The following C3orf85 variants were observed in gnomAD, a reference collection of about 807,000 sequenced individuals.
C3orf85 encodes uncharacterized protein C3orf85.
A neutral mutation model predicts 1.7 loss-of-function variants in C3orf85; 1 was observed. That is an observed-to-expected ratio of 0.60 (90% CI 0.21 to 2.86). The LOEUF (loss-of-function observed/expected upper bound fraction) is 2.86, where lower values mean the gene tolerates loss of function less well. C3orf85 is among the 30% of genes most tolerant of loss of function. C3orf85 has a pLI of 0.22. For missense variants in C3orf85, 29 were observed against 21.3 expected (o/e 1.36, Z -0.72); for synonymous variants, 17 against 8.0 (o/e 2.13, Z -1.90).
At chr3:109,141,581 T>C (rs1232255309) in intron 2 of C3orf85, among the ~76,000 whole-genome samples, 1 of 152,142 alleles carries the variant, frequency 6.6e-6, no homozygotes, top group Non-Finnish European at 1.5e-5. Flanking sequence ...TCTGTCTCTC[T>C]CTCTCCTTTT....
chr3:109,150,110 G>C lies in C3orf85; in HGVS notation c.*216G>C. 4.1e-4 allele frequency: 96 copies of C among 234,410 alleles called. No individual in the cohort carries two copies. Among genetic ancestry groups the C allele is most frequent in the Middle Eastern group, 1.2e-3 (1 of 846 alleles). 14.5% of individuals were successfully genotyped at this position (234,410 alleles called of 1,614,324 possible). On this transcript the variant is annotated 3_prime_UTR_variant, in exon 4 of 4. Coordinates refer to ENST00000622536, the MANE Select transcript of C3orf85 (RefSeq NM_001351622.2). ...CAATAAATGGTAGTTCTCAAAAAAA[G>C]AACTAAAAAAAAAAAAGGCTGTAGT...
At chr3:109,148,537 G>A (rs1279010593) in intron 3 of C3orf85, 151 bp downstream of exon 3, 1 of 593,140 alleles carries the variant, frequency 1.7e-6, no homozygotes, top group Non-Finnish European at 3.0e-6. Context: ...TGCCCATGAA[G>A]TGGTTTTTGC....
intron 2 of C3orf85, 34 bp from the exon 3 acceptor site, chr3:109,148,218 TA>T (rs1706821528): frequency 1.4e-6 from 1 of 691,956 alleles, no homozygotes; most frequent in Admixed American, 2.1e-5. Context: ...ACTATTGCTC[TA>T]AAAGATGCTG....
intron 2 of C3orf85, among the ~76,000 whole-genome samples, chr3:109,143,801 T>C (rs1706766971): frequency 6.6e-6 from 1 of 152,210 alleles, no homozygotes; most frequent in Non-Finnish European, 1.5e-5. Flanking sequence ...AGCTGGTCAC[T>C]GGCGAGGCCA....
At chr3:109,142,742 G>A (rs532247738) in intron 2 of C3orf85, among the ~76,000 whole-genome samples, 4 of 149,244 alleles carry the variant, frequency 2.7e-5, no homozygotes, top group African/African-American at 9.9e-5. Context: ...GTGAGGCTTT[G>A]AGCAACAGAC....
chr3:109,149,569 T>A (rs1706844882), intron 3 of C3orf85: 1 of 302,754 alleles, frequency 3.3e-6, no homozygotes, highest in African/African-American at 2.2e-5. Flanking sequence ...AGGCACTATG[T>A]AATGTAGCAA....
intron 2 of C3orf85, among the ~76,000 whole-genome samples, chr3:109,141,184 A>T (rs940944140): frequency 6.6e-6 from 1 of 151,966 alleles, no homozygotes; most frequent in African/African-American, 2.4e-5. Context: ...ACGGGGTTTC[A>T]CCATGTTGCC....
chr3:109,148,251 AGGAGCATTG>A lies in C3orf85; in HGVS notation c.54_62del (p.Leu19_Ala21del), dbSNP rs1266796104. The A allele has an allele frequency of 1.4e-6, 1 of 701,368 alleles. No individual in the cohort carries two copies. The highest frequency in any genetic ancestry group is 1.7e-5 in the African/African-American group (1 of 57,170). The allele number at this position is 701,368 out of a possible 1,614,324, so 43.4% of individuals were successfully genotyped here. A position where few individuals can be genotyped will look rare whatever the true frequency, so the allele number is the denominator to read the frequency against. ...GCTGTGCTCTTGGACTCTAAATTGC[AGGAGCATTG>A]GGAGCGCCATTTTTGTTGGAAGACC... On this transcript the variant is annotated splice_acceptor_variant and coding_sequence_variant, in exon 3 of 4. Transcript: ENST00000622536. LOFTEE classifies it high-confidence loss of function.
intron 2 of C3orf85, among the ~76,000 whole-genome samples, chr3:109,144,240 C>G (rs1045650572): frequency 1.3e-5 from 2 of 152,104 alleles, no homozygotes; most frequent in African/African-American, 4.8e-5. Context: ...CAAGGTTGAT[C>G]AGGCAGAATG....
intron 2 of C3orf85, among the ~76,000 whole-genome samples, chr3:109,139,819 G>A (rs1175219700): frequency 6.6e-6 from 1 of 152,048 alleles, no homozygotes; most frequent in African/African-American, 2.4e-5. Flanking sequence ...AGCTGCCTTT[G>A]GTCTGTTTTT....
At position 109,150,459 on chromosome 3, in the gene C3orf85, G is replaced by C. The variant is rs947683668; in HGVS notation, c.*565G>C. 5 of 152,180 alleles carry C rather than the reference G, an allele frequency of 3.3e-5. No individual in the cohort carries two copies. Among genetic ancestry groups the C allele is most frequent in the African/African-American group, 1.2e-4 (5 of 41,454 alleles). The allele number at this position is 152,180 out of a possible 1,614,324, so 9.4% of individuals were successfully genotyped here. ...GTAGATAGTGGCTAGGAACTCAATG[G>C]AAGTCATTCACTTGTAAGTGCAAAC... On this transcript the variant is annotated 3_prime_UTR_variant, in exon 4 of 4. Coordinates refer to ENST00000622536, the MANE Select transcript of C3orf85 (RefSeq NM_001351622.2).
rs1182328075 is a variant in C3orf85 at position 109,140,531 on chromosome 3, A to T, written c.49+3635A>T. Among the ~76,000 whole-genome samples, 3 of 152,160 alleles carry T rather than the reference A, an allele frequency of 2.0e-5. No homozygotes were observed. In the East Asian group the frequency reaches 5.8e-4, roughly 29 times the overall value. On this transcript the variant is annotated intron_variant, in intron 2 of 3. Transcript: ENST00000622536. Reference sequence around the variant, plus strand: ...GGTTGTCTCAATGTCATTGCTTATGACTAGATTCATTGAGCAGTCTGGGTG... The same window carrying T: ...GGTTGTCTCAATGTCATTGCTTATGTCTAGATTCATTGAGCAGTCTGGGTG...
At chr3:109,140,917 A>G (rs1314448595) in intron 2 of C3orf85, among the ~76,000 whole-genome samples, 1 of 152,218 alleles carries the variant, frequency 6.6e-6, no homozygotes, top group East Asian at 1.9e-4. Flanking sequence ...AGTGGAAGTT[A>G]CTGAGTTAAA....
chr3:109,137,687 C>G (rs867642184), intron 2 of C3orf85, among the ~76,000 whole-genome samples: 25 of 123,200 alleles, frequency 2.0e-4, no homozygotes, highest in African/African-American at 6.5e-4. Flanking sequence ...CCTTCAATTC[C>G]TAAACATAGA....
At chr3:109,144,825 T>C (rs971127423) in intron 2 of C3orf85, among the ~76,000 whole-genome samples, 4 of 152,214 alleles carry the variant, frequency 2.6e-5, no homozygotes, top group African/African-American at 7.2e-5. Flanking sequence ...TATTTATTGT[T>C]TACTGATGGA....
rs117374613 is a variant in C3orf85 at position 109,147,914 on chromosome 3, C to A, written c.50-339C>A. The stretch of plus-strand genomic sequence containing the variant: ...CTTAACATGCAAGAAAACTAAAGTG[C>A]GAAGAAATCAAGCAACTTTCCCCGA... On this transcript the variant is annotated intron_variant, in intron 2 of 3. Transcript: ENST00000622536. Among the ~76,000 whole-genome samples the A allele has an allele frequency of 7.0e-4, 106 of 152,180 alleles. 1 individual carries two copies. The East Asian group carries it at 0.02, about 28-fold the overall frequency.
At chr3:109,146,574 C>T (rs959474899) in intron 2 of C3orf85, among the ~76,000 whole-genome samples, 3 of 152,118 alleles carry the variant, frequency 2.0e-5, no homozygotes, top group African/African-American at 7.2e-5. Context: ...CATCAGGTTC[C>T]CAGATGGCTC....
intron 2 of C3orf85, among the ~76,000 whole-genome samples, chr3:109,145,390 T>C (rs1706787375): frequency 6.6e-6 from 1 of 152,208 alleles, no homozygotes; most frequent in African/African-American, 2.4e-5. Context: ...GAACAAATAC[T>C]CTATGATTCC....
At position 109,150,380 on chromosome 3, in the gene C3orf85, T is replaced by G. The variant is rs532121316; in HGVS notation, c.*486T>G. 1.2e-3 allele frequency: 183 copies of G among 152,314 alleles called. 1 individual carries two copies. Among genetic ancestry groups the G allele is most frequent in the African/African-American group, 4.2e-3 (174 of 41,582 alleles). 9.4% of individuals were successfully genotyped at this position (152,314 alleles called of 1,614,324 possible). ...TTAAAACCATGACTTTGAAACGTTT[T>G]TCATCAAAGGTGTACTGCTGAGTGG... On this transcript the variant is annotated 3_prime_UTR_variant, in exon 4 of 4. Coordinates refer to ENST00000622536, the MANE Select transcript of C3orf85 (RefSeq NM_001351622.2).
Sources: allele counts gnomAD v4.1 joint callset (sites outside exome capture counted in the v4.1 genomes callset), GRCh38; gene constraint gnomAD v4.1.1; transcripts MANE v1.5; gene names NCBI Gene and HGNC (gene_info 2026-07-23, HGNC 2026-07-21).